Variants in CDYL observed in about 807,000 individuals in gnomAD.
CDYL encodes chromodomain Y-like protein.
A neutral mutation model predicts 47.3 loss-of-function variants in CDYL; 8 were observed. The ratio of observed to expected loss-of-function variants is 0.17; its 90% confidence interval spans 0.10 to 0.31. CDYL has a LOEUF of 0.31. Ranked by LOEUF, CDYL falls within the 10% of genes least tolerant of loss-of-function variation. CDYL has a pLI of 1.00. For synonymous variants in CDYL, 266 were observed against 265.0 expected, an observed-to-expected ratio of 1.00 and a Z score of -0.04; for missense variants, 471 against 701.4, an observed-to-expected ratio of 0.67 and a Z score of 3.71.
chr6:4,824,235 A>G (rs1303059442), intron 1 of CDYL, among the ~76,000 whole-genome samples: 4 of 152,150 alleles, frequency 2.6e-5, no homozygotes, highest in African/African-American at 9.7e-5. Context: ...GGTATTTGGT[A>G]TATATGTCTA....
intron 3 of CDYL, among the ~76,000 whole-genome samples, chr6:4,764,896 A>T (rs1419344536): frequency 6.6e-6 from 1 of 152,232 alleles, no homozygotes; most frequent in Non-Finnish European, 1.5e-5. Context: ...CTGCATAACA[A>T]CTAAAAAATA....
At chr6:4,903,200 C>A (rs1175525756) in intron 2 of CDYL, among the ~76,000 whole-genome samples, 1 of 152,182 alleles carries the variant, frequency 6.6e-6, no homozygotes, top group Non-Finnish European at 1.5e-5. Flanking sequence ...ACTTAGGGGA[C>A]GTCCTCCAAA....
At chr6:4,736,358 C>A (rs1186381631) in intron 3 of CDYL, among the ~76,000 whole-genome samples, 3 of 152,118 alleles carry the variant, frequency 2.0e-5, no homozygotes, top group African/African-American at 7.2e-5. Context: ...TAGTTTGTTG[C>A]GTACATTCAT....
chr6:4,777,119 T>G (rs62384850), intron 1 of CDYL, among the ~76,000 whole-genome samples: 1 of 137,358 alleles, frequency 7.3e-6, no homozygotes, highest in African/African-American at 2.7e-5. Flanking sequence ...GTGGAAGTGG[T>G]GCCTCCGTTG....
chr6:4,859,962 C>T (rs907523103), intron 1 of CDYL, among the ~76,000 whole-genome samples: 3 of 150,262 alleles, frequency 2.0e-5, no homozygotes, highest in Admixed American at 1.3e-4. Flanking sequence ...AGTGCAGTGG[C>T]GCAATCTCGG....
At chr6:4,772,837 A>G, upstream of CDYL, 1 of 300,682 alleles carries the variant, frequency 3.3e-6, no homozygotes, top group Non-Finnish European at 6.5e-6. Context: ...ACCCAACCAT[A>G]AAACGCCTTT....
intron 2 of CDYL, among the ~76,000 whole-genome samples, chr6:4,914,964 G>A (rs898042917): frequency 2.6e-5 from 4 of 152,186 alleles, no homozygotes; most frequent in East Asian, 3.9e-4. Context: ...CTAGGAGGTC[G>A]GGCACGTATC....
At chr6:4,721,358 G>C (rs1021859266) in intron 2 of CDYL, among the ~76,000 whole-genome samples, 1 of 151,914 alleles carries the variant, frequency 6.6e-6, no homozygotes, top group Non-Finnish European at 1.5e-5. Flanking sequence ...CACTTTTCTG[G>C]GGGAGGGGAG....
chr6:4,804,597 T>C (rs1759318309), intron 1 of CDYL, among the ~76,000 whole-genome samples: 1 of 152,120 alleles, frequency 6.6e-6, no homozygotes, highest in Non-Finnish European at 1.5e-5. Flanking sequence ...CTCATCACTC[T>C]CGCCCCACTG....
In CDYL at chr6:4,954,159, C is replaced by T. The variant is rs1054858837; in HGVS notation, c.*103C>T. On this transcript the variant is annotated 3_prime_UTR_variant, in exon 7 of 7. Coordinates refer to ENST00000397588, the MANE Select transcript of CDYL (RefSeq NM_004824.4). The stretch of plus-strand genomic sequence containing the variant: ...TCTCACAGCCTGAAACAAGCTCACC[C>T]GTAGCTTACGCTTGGAAGCAGGACT... 1.7e-5 allele frequency: 21 copies of T among 1,265,644 alleles called. No individual in the cohort carries two copies. Among genetic ancestry groups the T allele is most frequent in the Admixed American group, 9.9e-5 (4 of 40,418 alleles). 78.4% of individuals were successfully genotyped at this position (1,265,644 alleles called of 1,614,324 possible). A position where few individuals can be genotyped will look rare whatever the true frequency, so the allele number is the denominator to read the frequency against.
chr6:4,809,233 A>G (rs774186770), intron 1 of CDYL, among the ~76,000 whole-genome samples: 3 of 152,172 alleles, frequency 2.0e-5, no homozygotes, highest in Non-Finnish European at 4.4e-5. Flanking sequence ...TCACTTATCA[A>G]TATGTCTTGG....
intron 5 of CDYL, among the ~76,000 whole-genome samples, chr6:4,946,473 C>G (rs1339556651): frequency 6.6e-6 from 1 of 152,110 alleles, no homozygotes; most frequent in Non-Finnish European, 1.5e-5. Context: ...TTTGGCTTGC[C>G]CATCCACCCA....
chr6:4,929,238 C>T lies in CDYL; in HGVS notation c.692-6277C>T, dbSNP rs372760855. Among the ~76,000 whole-genome samples, 428 of 149,056 alleles carry T rather than the reference C, an allele frequency of 2.9e-3. 2 individuals are homozygous for T. Among genetic ancestry groups the T allele is most frequent in the African/African-American group, 7.8e-3 (317 of 40,618 alleles). On this transcript the variant is annotated intron_variant, in intron 2 of 6. Transcript: ENST00000397588. ...TGTATATAGGTTGGCTTTTTTTTTT[C>T]TCTTCATACACTTCAAAGGTGCCAT...
intron 1 of CDYL, among the ~76,000 whole-genome samples, chr6:4,863,344 G>A (rs189643966): frequency 3.0e-4 from 46 of 152,250 alleles, no homozygotes; most frequent in African/African-American, 1.1e-3. Flanking sequence ...TGTAGTCCCC[G>A]AATCCAAAAT....
chr6:4,925,409 C>CTTTTTTTTTTTTT (rs58457972), intron 2 of CDYL, among the ~76,000 whole-genome samples: 26 of 109,282 alleles, frequency 2.4e-4, no homozygotes, highest in East Asian at 8.4e-4. Context: ...ATTCTTTTTT[C>CTTTTTTTTTTTTT]TTTTTTTTTT....
At chr6:4,730,783 A>G (rs1757591487) in intron 2 of CDYL, among the ~76,000 whole-genome samples, 1 of 151,724 alleles carries the variant, frequency 6.6e-6, no homozygotes, top group African/African-American at 2.4e-5. Flanking sequence ...AACACAGAAG[A>G]GTTGGCCTCC....
intron 3 of CDYL, among the ~76,000 whole-genome samples, chr6:4,760,229 G>T (rs1758153555): frequency 6.6e-6 from 1 of 151,986 alleles, no homozygotes; most frequent in South Asian, 2.1e-4. Flanking sequence ...ATGGCATTTT[G>T]ACCTCATCAT....
At chr6:4,859,351 T>C (rs888158812) in intron 1 of CDYL, among the ~76,000 whole-genome samples, 1 of 152,012 alleles carries the variant, frequency 6.6e-6, no homozygotes, top group Non-Finnish European at 1.5e-5. Flanking sequence ...CTTGCCATTG[T>C]GTAGGTAGGT....
At chr6:4,811,099 G>C (rs770504444) in intron 1 of CDYL, among the ~76,000 whole-genome samples, 9 of 152,202 alleles carry the variant, frequency 5.9e-5, no homozygotes, top group African/African-American at 2.2e-4. Flanking sequence ...AGGTCTGACA[G>C]AAGTTTTTGA....
Sources: allele counts gnomAD v4.1 joint callset (sites outside exome capture counted in the v4.1 genomes callset), GRCh38; gene constraint gnomAD v4.1.1; transcripts MANE v1.5; gene names NCBI Gene and HGNC (gene_info 2026-07-23, HGNC 2026-07-21).